Variants in FER1L6 observed in about 807,000 individuals in gnomAD.
FER1L6 encodes fer-1 like family member 6.
FER1L6 carries 177 observed loss-of-function variants against 219.2 expected under a neutral mutation model. The ratio of observed to expected loss-of-function variants is 0.81; its 90% CI spans 0.71 to 0.91. The LOEUF is 0.91. FER1L6 is among the 40% of genes least tolerant of loss of function. The probability of loss-of-function intolerance (pLI) is 0.00; values close to 1 mark genes in which losing one functional copy is unlikely to be tolerated. For synonymous variants in FER1L6, 768 were observed against 824.3 expected, an observed-to-expected ratio of 0.93 and a Z score of 1.17; for missense variants, 2,153 against 2,259.9, an observed-to-expected ratio of 0.95 and a Z score of 0.96.
At chr8:124,056,814 G>A (rs1269623586) in intron 22 of FER1L6, among the ~76,000 whole-genome samples, 1 of 152,196 alleles carries the variant, frequency 6.6e-6, no homozygotes, top group Admixed American at 6.5e-5. Flanking sequence ...GGAGGCAGAG[G>A]TGGGTGGATC....
intron 18 of FER1L6, among the ~76,000 whole-genome samples, chr8:124,030,671 T>A (rs1450135697): frequency 6.6e-6 from 1 of 152,072 alleles, no homozygotes; most frequent in Non-Finnish European, 1.5e-5. Flanking sequence ...AGGGAGTCCA[T>A]CTCCTGTTCT....
At chr8:123,918,186 A>G (rs778505950) in intron 1 of FER1L6, among the ~76,000 whole-genome samples, 3 of 152,032 alleles carry the variant, frequency 2.0e-5, no homozygotes, top group African/African-American at 4.8e-5. Flanking sequence ...GTGCACATCC[A>G]TAGTCCCAGC....
intron 1 of FER1L6, among the ~76,000 whole-genome samples, chr8:123,871,887 AC>A: frequency 6.6e-6 from 1 of 152,318 alleles, no homozygotes; most frequent in South Asian, 2.1e-4. Flanking sequence ...TGAGAATAGG[AC>A]TTTACCTCTG....
intron 18 of FER1L6, among the ~76,000 whole-genome samples, chr8:124,031,554 A>T (rs532718069): frequency 6.6e-6 from 1 of 152,276 alleles, no homozygotes; most frequent in East Asian, 1.9e-4. Flanking sequence ...TTTATGGCCA[A>T]TTTTTACATA....
intron 1 of FER1L6, among the ~76,000 whole-genome samples, chr8:123,878,468 A>G (rs1345147848): frequency 6.6e-6 from 1 of 152,164 alleles, no homozygotes; most frequent in African/African-American, 2.4e-5. Context: ...GGGAGCCAAC[A>G]CTGTCCTCCA....
In FER1L6 at chr8:124,035,406, T is replaced by C; in HGVS notation, c.2416T>C (p.Ser806Pro). 1 of 1,613,874 alleles carries C rather than the reference T, an allele frequency of 6.2e-7. No individual in the cohort carries two copies. Among genetic ancestry groups the C allele is most frequent in the Non-Finnish European group, 8.5e-7 (1 of 1,179,974 alleles). Residue 806 changes from serine (S) to proline (P), a missense_variant, in exon 19 of 41, where the codon TCC becomes CCC. Coordinates refer to ENST00000522917, the MANE Select transcript of FER1L6 (RefSeq NM_001039112.2). The stretch of plus-strand genomic sequence containing the variant: ...AGTAGGCTATGAAGCAGAAATGTCC[T>C]CCAAAGGGGCTGGCACCAATCACCC... Reference protein sequence around the residue: ...LPVGYEAEMSSKGAGTNHPPS... With the variant: ...LPVGYEAEMSPKGAGTNHPPS...
intron 32 of FER1L6, among the ~76,000 whole-genome samples, chr8:124,081,218 C>T (rs1407789680): frequency 6.6e-6 from 1 of 152,194 alleles, no homozygotes; most frequent in Non-Finnish European, 1.5e-5. Flanking sequence ...GTCTACACAG[C>T]TGGAGAATAC....
In FER1L6 at chr8:123,853,628, G is replaced by T. The variant is rs1233584294; in HGVS notation, c.-8+1443G>T. Reference sequence around the variant, plus strand: ...TGGATGAGTAGAGAAAAAGGGGTAGGTACGCCTCACCACGGGCAAGCGTGG... The same window carrying T: ...TGGATGAGTAGAGAAAAAGGGGTAGTTACGCCTCACCACGGGCAAGCGTGG... On this transcript the variant is annotated intron_variant, in intron 1 of 40. Transcript: ENST00000522917. This position sits in a 1 kb window ranked among gnomAD's most constrained non-coding sequence, Gnocchi z 6.6. 6.6e-6 allele frequency among the ~76,000 whole-genome samples: 1 copy of T among 152,160 alleles called. No homozygotes were observed. Among genetic ancestry groups the T allele is most frequent in the African/African-American group, 2.4e-5 (1 of 41,436 alleles).
chr8:123,953,870 C>A, intron 1 of FER1L6, among the ~76,000 whole-genome samples: 1 of 152,112 alleles, frequency 6.6e-6, no homozygotes, highest in Non-Finnish European at 1.5e-5. Flanking sequence ...AGGTCCCTGG[C>A]TTGGGAACGA....
At chr8:124,060,387 C>A in intron 23 of FER1L6, 97 bp downstream of exon 23, 1 of 1,435,776 alleles carries the variant, frequency 7.0e-7, no homozygotes, top group Non-Finnish European at 9.7e-7. Flanking sequence ...GGCGGGAGAC[C>A]TAGAGAAAAA....
chr8:123,970,245 T>C, intron 6 of FER1L6, 148 bp downstream of exon 6: 1 of 731,062 alleles, frequency 1.4e-6, no homozygotes, highest in Non-Finnish European at 2.4e-6. Flanking sequence ...AGGCAGAACT[T>C]GAAATCACCA....
At chr8:123,981,262 C>A (rs540864096) in intron 11 of FER1L6, among the ~76,000 whole-genome samples, 118 of 152,232 alleles carry the variant, frequency 7.8e-4, no homozygotes, top group Non-Finnish European at 1.5e-3. Flanking sequence ...ACTCCCCTAC[C>A]CCAAACCTGT....
intron 1 of FER1L6, among the ~76,000 whole-genome samples, chr8:123,903,860 G>A (rs1812902087): frequency 6.6e-6 from 1 of 152,182 alleles, no homozygotes; most frequent in South Asian, 2.1e-4. Context: ...GCTGGGCACT[G>A]TTGGGAAATG....
At chr8:123,857,002 C>T (rs1469545535) in intron 1 of FER1L6, among the ~76,000 whole-genome samples, 1 of 152,042 alleles carries the variant, frequency 6.6e-6, no homozygotes, top group Admixed American at 6.6e-5. Flanking sequence ...TCCTGGGTAT[C>T]CTCATTGACA....
chr8:124,099,817 C>CT (rs953645305), intron 37 of FER1L6, among the ~76,000 whole-genome samples: 3 of 152,178 alleles, frequency 2.0e-5, no homozygotes, highest in Non-Finnish European at 4.4e-5. Context: ...CACATGCCCC[C>CT]TTGCTCTCTG....
intron 21 of FER1L6, among the ~76,000 whole-genome samples, chr8:124,048,791 G>C (rs1420142731): frequency 1.5e-4 from 23 of 152,218 alleles, no homozygotes; most frequent in Non-Finnish European, 4.4e-5. Context: ...CAAGGGCATA[G>C]AACTAGACAG....
chr8:123,885,193 C>T (rs965997108), intron 1 of FER1L6, among the ~76,000 whole-genome samples: 1 of 152,162 alleles, frequency 6.6e-6, no homozygotes, highest in African/African-American at 2.4e-5. Context: ...TTCCAGCATC[C>T]GGAACTGTGA....
chr8:123,953,655 C>A (rs774436327), intron 1 of FER1L6, among the ~76,000 whole-genome samples: 1 of 152,196 alleles, frequency 6.6e-6, no homozygotes, highest in East Asian at 1.9e-4. Flanking sequence ...CCGAAAGGAA[C>A]CTTATGTCTC....
intron 1 of FER1L6, among the ~76,000 whole-genome samples, chr8:123,862,889 G>C (rs1816770338): frequency 6.9e-6 from 1 of 145,824 alleles, no homozygotes; most frequent in Admixed American, 6.7e-5. Context: ...TATTAGTCTT[G>C]CTAGCAGTCT....
Sources: gnomAD v4.1 joint callset for allele counts (sites outside exome capture counted in the v4.1 genomes callset) on GRCh38, gnomAD v4.1.1 for gene constraint, Gnocchi (gnomAD v3.1) non-coding constraint, MANE v1.5 for transcripts, NCBI Gene and HGNC (gene_info 2026-07-23, HGNC 2026-07-21) for gene names.